Variants in CPS1 observed in about 807,000 individuals in gnomAD.
CPS1 encodes carbamoyl-phosphate synthase [ammonia], mitochondrial.
A neutral mutation model predicts 174.6 loss-of-function variants in CPS1; 109 were observed. That is an observed-to-expected ratio of 0.62 (90% CI 0.53 to 0.73). CPS1 has a LOEUF of 0.73. Among genes scored for constraint, CPS1 ranks in the 30% least tolerant of loss-of-function variants. The pLI, the probability that CPS1 is intolerant of heterozygous loss-of-function variation, is 0.00. For missense variants in CPS1, 1,689 were observed against 1,821.9 expected, an observed-to-expected ratio of 0.93 and a Z score of 1.33; for synonymous variants, 637 against 632.0, an observed-to-expected ratio of 1.01 and a Z score of -0.12.
chr2:210,572,890 T>C (rs12694203), intron 1 of CPS1, among the ~76,000 whole-genome samples: 98,923 of 151,842 alleles, frequency 0.65, 33,458 homozygotes, highest in African/African-American at 0.84. Flanking sequence ...GATGATGAGC[T>C]GTATGGTACA....
chr2:210,506,148 T>C (rs977920066), intron 1 of CPS1, among the ~76,000 whole-genome samples: 2 of 152,168 alleles, frequency 1.3e-5, no homozygotes, highest in South Asian at 4.1e-4. Flanking sequence ...AGGGGCAGAC[T>C]GACACCTCAC....
intron 1 of CPS1, among the ~76,000 whole-genome samples, chr2:210,507,833 C>G (rs1286129031): frequency 6.6e-6 from 1 of 151,392 alleles, no homozygotes; most frequent in Non-Finnish European, 1.5e-5. Context: ...GCTAACTATC[C>G]TAAATATATA....
intron 19 of CPS1, among the ~76,000 whole-genome samples, chr2:210,610,896 A>T (rs1306607557): frequency 2.6e-5 from 4 of 151,900 alleles, no homozygotes; most frequent in Non-Finnish European, 4.4e-5. Flanking sequence ...CTTAAGAATA[A>T]TAAAAATATA....
At chr2:210,560,996 A>G (rs1428178879) in intron 1 of CPS1, among the ~76,000 whole-genome samples, 1 of 152,178 alleles carries the variant, frequency 6.6e-6, no homozygotes, top group Non-Finnish European at 1.5e-5. Flanking sequence ...AGTTTGCCTG[A>G]TGGACAACTT....
chr2:210,568,541 G>A (rs1033989724), intron 1 of CPS1, among the ~76,000 whole-genome samples: 1 of 151,888 alleles, frequency 6.6e-6, no homozygotes, highest in Non-Finnish European at 1.5e-5. Flanking sequence ...AAAACCAATA[G>A]GTAACTATTT....
chr2:210,598,724 G>C (rs940970172), intron 13 of CPS1, among the ~76,000 whole-genome samples: 1 of 151,824 alleles, frequency 6.6e-6, no homozygotes, highest in Non-Finnish European at 1.5e-5. Flanking sequence ...CAAGTTCTTA[G>C]AGACCTGCAA....
intron 25 of CPS1, among the ~76,000 whole-genome samples, chr2:210,645,379 C>T (rs1489725569): frequency 6.6e-6 from 1 of 152,008 alleles, no homozygotes; most frequent in Non-Finnish European, 1.5e-5. Flanking sequence ...TATTCTTTAA[C>T]ATTAACTACA....
At chr2:210,493,301 T>C (rs1040939477) in intron 1 of CPS1, among the ~76,000 whole-genome samples, 3 of 152,196 alleles carry the variant, frequency 2.0e-5, no homozygotes, top group African/African-American at 4.8e-5. Flanking sequence ...GATGAGTTCA[T>C]TGGACGAGAA....
At chr2:210,485,006 A>T (rs1694676764) in intron 1 of CPS1, among the ~76,000 whole-genome samples, 1 of 152,018 alleles carries the variant, frequency 6.6e-6, no homozygotes. Flanking sequence ...AGGTGGGCAG[A>T]TCATGAGGTC....
chr2:210,477,901 C>A, intron 1 of CPS1: 2 of 963,314 alleles, frequency 2.1e-6, no homozygotes, highest in Non-Finnish European at 3.2e-6. Context: ...ATCCATTTAT[C>A]CCACTCACAG....
chr2:210,644,684 A>G (rs1415070470), intron 25 of CPS1, among the ~76,000 whole-genome samples: 2 of 152,294 alleles, frequency 1.3e-5, no homozygotes, highest in Middle Eastern at 6.8e-3. Flanking sequence ...TAATTTGTGC[A>G]TAAAAATAAG....
At chr2:210,598,521 A>C (rs995928325) in intron 13 of CPS1, among the ~76,000 whole-genome samples, 5 of 142,242 alleles carry the variant, frequency 3.5e-5, no homozygotes, top group African/African-American at 1.3e-4. Context: ...AGGAAAATCT[A>C]CCAAGCAAAT....
chr2:210,575,516 GCA>G lies in CPS1; in HGVS notation c.237-804_237-803del, dbSNP rs71395588. ...GTATATACACACACGATATGTATATGCACACACACACACACACACACACACAC... is the reference window on the plus strand; with the variant it reads ...GTATATACACACACGATATGTATATGCACACACACACACACACACACACAC... On this transcript the variant is annotated intron_variant, in intron 2 of 37. Transcript: ENST00000233072. 9.6e-3 allele frequency among the ~76,000 whole-genome samples: 1,407 copies of G among 145,812 alleles called. 14 individuals are homozygous for G. Among genetic ancestry groups the G allele is most frequent in the African/African-American group, 0.029 (1,155 of 39,678 alleles).
At chr2:210,615,050 A>G (rs1249038965) in intron 20 of CPS1, among the ~76,000 whole-genome samples, 1 of 151,912 alleles carries the variant, frequency 6.6e-6, no homozygotes, top group African/African-American at 2.4e-5. Context: ...TATAAAAGAA[A>G]GAAATCATGG....
chr2:210,489,214 A>G (rs1301717648), intron 1 of CPS1, among the ~76,000 whole-genome samples: 1 of 152,212 alleles, frequency 6.6e-6, no homozygotes, highest in Admixed American at 6.5e-5. Flanking sequence ...TAAAGAATAT[A>G]TATTGCAGAA....
chr2:210,481,450 G>A (rs554761922), intron 1 of CPS1, among the ~76,000 whole-genome samples: 51 of 152,178 alleles, frequency 3.4e-4, no homozygotes, highest in Non-Finnish European at 6.3e-4. Flanking sequence ...CAAGTGGATT[G>A]TTTTTGCTTC....
rs143848329 is a variant in CPS1, at chr2:210,560,912, C to T, written c.126+4053C>T. Among the ~76,000 whole-genome samples the T allele has an allele frequency of 4.7e-3, 721 of 152,188 alleles. 11 individuals are homozygous for T. The highest frequency in any genetic ancestry group is 0.012 in the Admixed American group (182 of 15,268). ...TACTACATATAGACACATTTTAGGA[C>T]GGATTTCATCTATGGCAAACTACAT... On this transcript the variant is annotated intron_variant, in intron 1 of 37. Transcript: ENST00000233072.
At chr2:210,484,772 T>A (rs1694670745) in intron 1 of CPS1, among the ~76,000 whole-genome samples, 1 of 152,176 alleles carries the variant, frequency 6.6e-6, no homozygotes, top group Non-Finnish European at 1.5e-5. Context: ...ACCCCCCTAA[T>A]TTTAGTAGGT....
Position 210,605,048 on chromosome 2 carries a change from G to GT in CPS1, c.1837-52dup, listed in dbSNP as rs1338125833. 10 of 1,605,516 alleles carry GT rather than the reference G, an allele frequency of 6.2e-6. No homozygotes were observed. The African/African-American group carries it at 1.2e-4, about 19-fold the overall frequency. On this transcript the variant is annotated intron_variant, in intron 16 of 37. Transcript: ENST00000233072. Reference sequence around the variant, plus strand: ...CCAGGGTATTTTGCCAAATATCCTTGTTGAAGCCAGTGCTTTTTCTTACTC... The same window carrying GT: ...CCAGGGTATTTTGCCAAATATCCTTGTTTGAAGCCAGTGCTTTTTCTTACTC...
Sources: gnomAD v4.1 joint callset for allele counts (sites outside exome capture counted in the v4.1 genomes callset) on GRCh38, gnomAD v4.1.1 for gene constraint, MANE v1.5 for transcripts, NCBI Gene and HGNC (gene_info 2026-07-23, HGNC 2026-07-21) for gene names.